MAP2K5: variants seen among roughly 807,000 people sequenced by gnomAD.
MAP2K5 encodes the protein dual specificity mitogen-activated protein kinase kinase 5.
A neutral mutation model predicts 83.1 loss-of-function variants in MAP2K5; 49 were observed. That is an observed-to-expected ratio of 0.59 (90% CI 0.47 to 0.75). The LOEUF (loss-of-function observed/expected upper bound fraction) is 0.75, where lower values mean the gene tolerates loss of function less well. MAP2K5 is among the 30% of genes least tolerant of loss of function. The probability of loss-of-function intolerance (pLI) is 0.00; values close to 1 mark genes in which losing one functional copy is unlikely to be tolerated. For missense variants in MAP2K5, 457 were observed against 557.5 expected, an observed-to-expected ratio of 0.82 and a Z score of 1.82; for synonymous variants, 202 against 191.8, an observed-to-expected ratio of 1.05 and a Z score of -0.44.
At chr15:67,547,664 C>T (rs2084424221) in intron 1 of MAP2K5, among the ~76,000 whole-genome samples, 1 of 152,022 alleles carries the variant, frequency 6.6e-6, no homozygotes, top group African/African-American at 2.4e-5. Context: ...ACCATGTTGG[C>T]CAGGCTGGTC....
chr15:67,628,566 G>T, intron 8 of MAP2K5: 1 of 1,166,516 alleles, frequency 8.6e-7, no homozygotes, highest in Non-Finnish European at 1.3e-6. Flanking sequence ...AAATTGAAGT[G>T]ATTGAAATCA....
chr15:67,739,279 CAAAAA>C (rs59837680), intron 17 of MAP2K5, among the ~76,000 whole-genome samples: 3 of 78,774 alleles, frequency 3.8e-5, no homozygotes, highest in Non-Finnish European at 2.6e-5. Context: ...GACCCTGTCT[CAAAAA>C]AAAAAAAAAA....
At position 67,781,309 on chromosome 15, in the gene MAP2K5, C is replaced by G. The variant is rs1316113713; in HGVS notation, c.1242+8557C>G. Among the ~76,000 whole-genome samples, 1 of 152,096 alleles carries G rather than the reference C, an allele frequency of 6.6e-6. No homozygotes were observed. The highest frequency in any genetic ancestry group is 1.5e-5 in the Non-Finnish European group (1 of 68,022). On this transcript the variant is annotated intron_variant, in intron 21 of 21. Transcript: ENST00000178640. The surrounding 1 kb of genome is among the most constrained non-coding windows in gnomAD (Gnocchi z 4.0). ...GAGCTGGGGAAAATATTAGAAAGCT[C>G]CTATTTACAGTTGTGCCAGCTGGAT...
intron 19 of MAP2K5, among the ~76,000 whole-genome samples, chr15:67,766,745 G>T (rs796540404): frequency 1.3e-5 from 2 of 152,186 alleles, no homozygotes; most frequent in Admixed American, 6.6e-5. Flanking sequence ...GTCAAGTCCT[G>T]CAGTGCAGAG....
chr15:67,753,145 A>T (rs1169769009), intron 19 of MAP2K5, among the ~76,000 whole-genome samples: 1 of 152,228 alleles, frequency 6.6e-6, no homozygotes, highest in African/African-American at 2.4e-5. Context: ...ATCCATATGT[A>T]TGTGAATAAA....
chr15:67,543,522 G>A lies in MAP2K5; in HGVS notation c.135+52G>A. ...GCCAGCAAGGGGGACTCAGGGACTT[G>A]AGTAGTCAGCACCTTGACCACTGGT... On this transcript the variant is annotated intron_variant, in intron 1 of 21. Transcript: ENST00000178640. This position sits in a 1 kb window ranked among gnomAD's most constrained non-coding sequence, Gnocchi z 4.3. The A allele has an allele frequency of 6.2e-7, 1 of 1,609,476 alleles. No homozygotes were observed. Among genetic ancestry groups the A allele is most frequent in the African/African-American group, 1.3e-5 (1 of 74,974 alleles).
At chr15:67,553,967 A>G (rs1055435609) in intron 2 of MAP2K5, among the ~76,000 whole-genome samples, 1 of 149,020 alleles carries the variant, frequency 6.7e-6, no homozygotes, top group African/African-American at 2.4e-5. Flanking sequence ...GATATAGCTT[A>G]TAAGGAATTT....
intron 21 of MAP2K5, among the ~76,000 whole-genome samples, chr15:67,795,405 C>T (rs142822824): frequency 2.2e-4 from 34 of 152,300 alleles, no homozygotes; most frequent in African/African-American, 7.2e-4. Context: ...TAGCTGCATC[C>T]AACAAGTATT....
At chr15:67,709,215 A>G (rs1292850993) in intron 16 of MAP2K5, among the ~76,000 whole-genome samples, 1 of 152,146 alleles carries the variant, frequency 6.6e-6, no homozygotes, top group Non-Finnish European at 1.5e-5. Flanking sequence ...CTCACTCTGT[A>G]TTGGGGAAGA....
At chr15:67,618,566 A>G (rs2086107800) in intron 8 of MAP2K5, among the ~76,000 whole-genome samples, 1 of 152,168 alleles carries the variant, frequency 6.6e-6, no homozygotes, top group South Asian at 2.1e-4. Context: ...GCATTTCAAA[A>G]TTATCTAAAA....
At chr15:67,589,685 T>C (rs1403391720) in intron 6 of MAP2K5, among the ~76,000 whole-genome samples, 1 of 152,142 alleles carries the variant, frequency 6.6e-6, no homozygotes, top group Non-Finnish European at 1.5e-5. Context: ...CTTTGTTTGG[T>C]TATTTGCATC....
rs55744419 is a variant in MAP2K5, at chr15:67,563,347, A to C, written c.249A>C (p.Ser83=). ...RSDEEMKAML[S]YYYSTVMEQQ... is the part of the protein sequence containing the mutation. ...ATGAGGAAATGAAGGCAATGCTGTC[A>C]TATGTAAGTATACGACAAATGAAGA... The change falls in exon 3 of 22, where the codon TCA becomes TCC. Residue 83 remains serine (S), a synonymous_variant. Coordinates refer to ENST00000178640, the MANE Select transcript of MAP2K5 (RefSeq NM_145160.3). The surrounding 1 kb of genome is among the most constrained non-coding windows in gnomAD (Gnocchi z 4.5). 1.6e-3 allele frequency: 2,602 copies of C among 1,609,472 alleles called. 6 individuals carry two copies. The highest frequency in any genetic ancestry group is 2.0e-3 in the Non-Finnish European group (2,325 of 1,178,400).
At chr15:67,667,953 G>T (rs2087428035) in intron 13 of MAP2K5, among the ~76,000 whole-genome samples, 1 of 152,114 alleles carries the variant, frequency 6.6e-6, no homozygotes, top group South Asian at 2.1e-4. Flanking sequence ...ATAAGCAGCG[G>T]CAAACCACTC....
Position 67,722,212 on chromosome 15 carries a change from A to G in MAP2K5, c.1045-5704A>G, listed in dbSNP as rs2088979956. On this transcript the variant is annotated intron_variant, in intron 16 of 21. Transcript: ENST00000178640. The surrounding 1 kb of genome is among the most constrained non-coding windows in gnomAD (Gnocchi z 4.2). ...CTCCACAGGGGTTGCAGATTCCACA[A>G]GTTATCAGCTAATGGCGTTATACAT... Among the ~76,000 whole-genome samples the G allele has an allele frequency of 6.6e-6, 1 of 152,204 alleles. No homozygotes were observed. Among genetic ancestry groups the G allele is most frequent in the Admixed American group, 6.5e-5 (1 of 15,278 alleles).
chr15:67,750,000 A>T lies in MAP2K5; in HGVS notation c.1134+1399A>T, dbSNP rs2141275691. On this transcript the variant is annotated intron_variant, in intron 19 of 21. Transcript: ENST00000178640. The surrounding 1 kb of genome is among the most constrained non-coding windows in gnomAD (Gnocchi z 4.6). ...CCAGGTAAAGGCATTCCTCACCAAT[A>T]CTATGTGTGTTTCTCATTTGAATGT... Among the ~76,000 whole-genome samples the T allele has an allele frequency of 1.3e-5, 2 of 152,248 alleles. No individual in the cohort carries two copies. The highest frequency in any genetic ancestry group is 2.9e-5 in the Non-Finnish European group (2 of 68,024).
rs2084784214 is a variant in MAP2K5, at chr15:67,563,705, C to T, written c.252+355C>T. Among the ~76,000 whole-genome samples, 2 of 152,104 alleles carry T rather than the reference C, an allele frequency of 1.3e-5. No homozygotes were observed. Among genetic ancestry groups the T allele is most frequent in the African/African-American group, 4.8e-5 (2 of 41,412 alleles). ...AAAATTTTTCAAAATCTACTTTCAA[C>T]TGGAGATCTCTCTCACCCTTCCAGA... On this transcript the variant is annotated intron_variant, in intron 3 of 21. Coordinates refer to ENST00000178640, the MANE Select transcript of MAP2K5 (RefSeq NM_145160.3). The surrounding 1 kb of genome is among the most constrained non-coding windows in gnomAD (Gnocchi z 4.5).
At chr15:67,626,398 G>A (rs928507331) in intron 8 of MAP2K5, among the ~76,000 whole-genome samples, 4 of 151,922 alleles carry the variant, frequency 2.6e-5, no homozygotes, top group Non-Finnish European at 5.9e-5. Context: ...GTGGTGGTGG[G>A]CTCCTGTAAT....
chr15:67,628,817 G>T, intron 8 of MAP2K5: 1 of 749,630 alleles, frequency 1.3e-6, no homozygotes, highest in Non-Finnish European at 2.4e-6. Context: ...TGACAATTTT[G>T]GTCATGGACG....
rs1277099972 is a variant in MAP2K5 at position 67,690,415 on chromosome 15, T to C, written c.848-2064T>C. 1.3e-5 allele frequency among the ~76,000 whole-genome samples: 2 copies of C among 152,164 alleles called. No individual in the cohort carries two copies. Among genetic ancestry groups the C allele is most frequent in the African/African-American group, 4.8e-5 (2 of 41,432 alleles). ...CTCCTCCTTAAGGAGACAAGTGATG[T>C]AGTGAAAGTGGTATATTTAAGGTTT... On this transcript the variant is annotated intron_variant, in intron 13 of 21. Transcript: ENST00000178640. The surrounding 1 kb of genome is among the most constrained non-coding windows in gnomAD (Gnocchi z 4.3).
Sources: gnomAD v4.1 joint callset for allele counts (sites outside exome capture counted in the v4.1 genomes callset) on GRCh38, gnomAD v4.1.1 for gene constraint, Gnocchi (gnomAD v3.1) non-coding constraint, MANE v1.5 for transcripts, NCBI Gene and HGNC (gene_info 2026-07-23, HGNC 2026-07-21) for gene names.